The following MBD5 variants were observed in gnomAD, a reference collection of about 807,000 sequenced individuals.
The protein encoded by MBD5 is methyl-CpG binding domain protein 5.
In MBD5, 13 loss-of-function variants were observed where a neutral mutation model predicts 117.3. That is an observed-to-expected ratio of 0.11 (90% CI 0.07 to 0.18). MBD5 has a LOEUF of 0.18. Ranked by LOEUF, MBD5 falls within the 10% of genes least tolerant of loss-of-function variation. The pLI is 1.00. For missense variants in MBD5, 1,879 were observed against 2,093.8 expected (o/e 0.90, Z 2.00); for synonymous variants, 727 against 766.4 (o/e 0.95, Z 0.85).
intron 8 of MBD5, chr2:148,472,015 A>G (rs1680813580): frequency 1.3e-5 from 2 of 152,082 alleles, no homozygotes; most frequent in Admixed American, 1.3e-4. Context: ...ATTGCATTAT[A>G]CAGTTTTGAT....
At chr2:148,442,512 A>G (rs909437153) in intron 4 of MBD5, among the ~76,000 whole-genome samples, 1 of 151,414 alleles carries the variant, frequency 6.6e-6, no homozygotes, top group African/African-American at 2.5e-5. Context: ...AGACTATGTT[A>G]GATAGTAATA....
chr2:148,176,536 G>A (rs1052298084), intron 1 of MBD5, among the ~76,000 whole-genome samples: 17 of 151,486 alleles, frequency 1.1e-4, no homozygotes, highest in African/African-American at 3.9e-4. Flanking sequence ...AGCCTCCCGA[G>A]TAGCTGGGAT....
At chr2:148,329,189 C>T (rs902424938) in intron 3 of MBD5, among the ~76,000 whole-genome samples, 1 of 152,144 alleles carries the variant, frequency 6.6e-6, no homozygotes, top group Non-Finnish European at 1.5e-5. Flanking sequence ...TACTGTAAAA[C>T]AACATTTATT....
intron 1 of MBD5, among the ~76,000 whole-genome samples, chr2:148,153,940 C>T (rs1315067251): frequency 1.5e-4 from 18 of 123,346 alleles, no homozygotes; most frequent in African/African-American, 2.4e-4. Flanking sequence ...TCTCTCAGCT[C>T]GTCAAAGTCA....
At chr2:148,206,971 A>AT (rs1287273305) in intron 2 of MBD5, among the ~76,000 whole-genome samples, 2 of 152,242 alleles carry the variant, frequency 1.3e-5, no homozygotes, top group Non-Finnish European at 2.9e-5. Flanking sequence ...GCAAAACCAA[A>AT]TTACAAGGAC....
At chr2:148,512,082 T>G (rs1051168880) in intron 13 of MBD5, among the ~76,000 whole-genome samples, 1 of 152,230 alleles carries the variant, frequency 6.6e-6, no homozygotes, top group Non-Finnish European at 1.5e-5. Context: ...CACCATTGCC[T>G]TGGGTTCATC....
chr2:148,308,508 T>C (rs1186007742), intron 3 of MBD5, among the ~76,000 whole-genome samples: 9 of 143,388 alleles, frequency 6.3e-5, no homozygotes, highest in Non-Finnish European at 1.2e-4. Context: ...TTTTTTTTTT[T>C]TTTTTTTTTT....
At chr2:148,086,189 T>TG (rs1558919526) in intron 1 of MBD5, among the ~76,000 whole-genome samples, 1 of 149,812 alleles carries the variant, frequency 6.7e-6, no homozygotes, top group Non-Finnish European at 1.5e-5. Context: ...TAAAATGTGT[T>TG]TGTGTGTGTG....
intron 3 of MBD5, among the ~76,000 whole-genome samples, chr2:148,300,942 G>A (rs1701765698): frequency 6.6e-6 from 1 of 152,196 alleles, no homozygotes; most frequent in Admixed American, 6.5e-5. Flanking sequence ...ATTGCATGCT[G>A]CACGCTCCTT....
intron 1 of MBD5, among the ~76,000 whole-genome samples, chr2:148,149,585 A>G (rs1327946018): frequency 6.6e-6 from 1 of 151,850 alleles, no homozygotes; most frequent in East Asian, 1.9e-4. Flanking sequence ...ATTTCTCCAC[A>G]TCCTCACCAG....
At chr2:148,373,522 G>A (rs1341747613) in intron 4 of MBD5, among the ~76,000 whole-genome samples, 1 of 152,100 alleles carries the variant, frequency 6.6e-6, no homozygotes, top group Non-Finnish European at 1.5e-5. Context: ...TTATCCATCT[G>A]ATGATAGATA....
At chr2:148,077,958 T>C (rs1276667133) in intron 1 of MBD5, among the ~76,000 whole-genome samples, 1 of 152,168 alleles carries the variant, frequency 6.6e-6, no homozygotes, top group Admixed American at 6.5e-5. Flanking sequence ...CTTTAGGATC[T>C]ACTTAAGGTG....
At chr2:148,048,649 A>G (rs1368180804) in intron 1 of MBD5, among the ~76,000 whole-genome samples, 11 of 152,152 alleles carry the variant, frequency 7.2e-5, no homozygotes, top group Admixed American at 7.2e-4. Flanking sequence ...AATGAGGAAG[A>G]ACATATTCAA....
intron 8 of MBD5, among the ~76,000 whole-genome samples, chr2:148,478,173 A>G (rs1235872749): frequency 6.6e-6 from 1 of 152,262 alleles, no homozygotes; most frequent in Non-Finnish European, 1.5e-5. Flanking sequence ...AAACATGTCA[A>G]GGATTAAATT....
At chr2:148,493,905 C>CTAAGAG (rs1378196369) in intron 11 of MBD5, among the ~76,000 whole-genome samples, 1 of 152,114 alleles carries the variant, frequency 6.6e-6, no homozygotes, top group African/African-American at 2.4e-5. Context: ...CTGATGTGAG[C>CTAAGAG]CTAATCTTAG....
intron 4 of MBD5, among the ~76,000 whole-genome samples, chr2:148,403,902 A>C (rs537205709): frequency 6.6e-6 from 1 of 151,956 alleles, no homozygotes; most frequent in South Asian, 2.1e-4. Flanking sequence ...CCCCATTCCT[A>C]ACCCCTGCAA....
intron 1 of MBD5, among the ~76,000 whole-genome samples, chr2:148,105,849 C>T (rs549481911): frequency 6.6e-6 from 1 of 152,066 alleles, no homozygotes; most frequent in East Asian, 1.9e-4. Flanking sequence ...ATTGCTTTTG[C>T]TATATACAAC....
chr2:148,273,771 T>C (rs1294086100), intron 3 of MBD5, among the ~76,000 whole-genome samples: 1 of 152,218 alleles, frequency 6.6e-6, no homozygotes, highest in African/African-American at 2.4e-5. Context: ...CTGTCTTTGC[T>C]TCAGCACTTC....
intron 2 of MBD5, among the ~76,000 whole-genome samples, chr2:148,183,533 T>A (rs368581093): frequency 6.8e-6 from 1 of 147,974 alleles, no homozygotes; most frequent in Non-Finnish European, 1.5e-5. Context: ...AAAAAAAAAA[T>A]TGGATGTATA....
Sources: allele counts gnomAD v4.1 joint callset (sites outside exome capture counted in the v4.1 genomes callset), GRCh38; gene constraint gnomAD v4.1.1; transcripts MANE v1.5; gene names NCBI Gene and HGNC (gene_info 2026-07-23, HGNC 2026-07-21).